TFDP1: variants seen among roughly 807,000 people sequenced by gnomAD.
The protein encoded by TFDP1 is DRTF1-polypeptide 1.
TFDP1 carries 6 observed loss-of-function variants against 48.0 expected under a neutral mutation model. The ratio of observed to expected loss-of-function variants is 0.13; its 90% CI spans 0.07 to 0.25. The LOEUF is 0.25. Ranked by LOEUF, TFDP1 falls within the 10% of genes least tolerant of loss-of-function variation. TFDP1 has a pLI of 1.00. For synonymous variants in TFDP1, 201 were observed against 211.6 expected (o/e 0.95, Z 0.44); for missense variants, 335 against 543.0 (o/e 0.62, Z 3.81).
At chr13:113,602,606 C>T (rs1299860174) in intron 2 of TFDP1, among the ~76,000 whole-genome samples, 1 of 152,242 alleles carries the variant, frequency 6.6e-6, no homozygotes, top group East Asian at 1.9e-4. Context: ...GGGTCACTTT[C>T]TTCTCAGCTC....
intron 3 of TFDP1, among the ~76,000 whole-genome samples, chr13:113,612,200 C>T (rs912664375): frequency 6.6e-6 from 1 of 152,168 alleles, no homozygotes; most frequent in Admixed American, 6.5e-5. Context: ...TGCCATCTGC[C>T]TCCAACCCCT....
At chr13:113,585,885 T>C (rs2047991132) in intron 2 of TFDP1, 36 bp downstream of exon 2, 2 of 1,593,910 alleles carry the variant, frequency 1.3e-6, no homozygotes, top group Admixed American at 3.3e-5. Context: ...CACGAATGTT[T>C]GCCTCGCACT....
At chr13:113,585,986 G>T (rs904512136) in intron 2 of TFDP1, 137 bp downstream of exon 2, 1 of 1,011,776 alleles carries the variant, frequency 9.9e-7, no homozygotes, top group Non-Finnish European at 1.5e-6. Flanking sequence ...CGTCTGAAGC[G>T]GGATGAAGGT....
In TFDP1 at chr13:113,598,324, A is replaced by G. The variant is rs2048333705; in HGVS notation, c.12+12475A>G. Among the ~76,000 whole-genome samples, 1 of 152,226 alleles carries G rather than the reference A, an allele frequency of 6.6e-6. No homozygotes were observed. Among genetic ancestry groups the G allele is most frequent in the African/African-American group, 2.4e-5 (1 of 41,454 alleles). ...TTTGCATTTGTGCCTGTTGTAGACT[A>G]GAGCATCATTTGGTGTTTTTCTGCT... On this transcript the variant is annotated intron_variant, in intron 2 of 11. Coordinates refer to ENST00000375370, the MANE Select transcript of TFDP1 (RefSeq NM_007111.5). The surrounding 1 kb of genome is among the most constrained non-coding windows in gnomAD (Gnocchi z 4.2).
intron 2 of TFDP1, among the ~76,000 whole-genome samples, chr13:113,594,101 T>C (rs547064711): frequency 1.4e-5 from 2 of 139,560 alleles, no homozygotes; most frequent in South Asian, 4.6e-4. Flanking sequence ...ACAGGTGTGG[T>C]GTACGTGGGT....
At chr13:113,602,117 A>G (rs918169023) in intron 2 of TFDP1, among the ~76,000 whole-genome samples, 2 of 151,038 alleles carry the variant, frequency 1.3e-5, no homozygotes, top group Non-Finnish European at 2.9e-5. Flanking sequence ...TCGAGGGAGG[A>G]GTGGACAGAG....
chr13:113,609,825 G>A (rs72668790), intron 2 of TFDP1, among the ~76,000 whole-genome samples: 5 of 152,126 alleles, frequency 3.3e-5, no homozygotes, highest in Admixed American at 6.5e-5. Context: ...CCTGAGGTGC[G>A]TGGCCTCCTG....
chr13:113,592,752 G>A (rs2048175993), intron 2 of TFDP1, among the ~76,000 whole-genome samples: 1 of 152,118 alleles, frequency 6.6e-6, no homozygotes, highest in South Asian at 2.1e-4. Flanking sequence ...TGACAGGTGT[G>A]GCATATGCTG....
chr13:113,610,950 G>A, intron 2 of TFDP1, 46 bp from the exon 3 acceptor site: 1 of 1,583,300 alleles, frequency 6.3e-7, no homozygotes, highest in Non-Finnish European at 8.7e-7. Flanking sequence ...TAGTTTCGTA[G>A]CCCTTTTAGC....
rs1040415285 is a variant in TFDP1, at chr13:113,633,710, G to A, written c.475-180G>A. Among the ~76,000 whole-genome samples the A allele has an allele frequency of 6.6e-6, 1 of 152,084 alleles. No homozygotes were observed. Among genetic ancestry groups the A allele is most frequent in the Non-Finnish European group, 1.5e-5 (1 of 68,016 alleles). On this transcript the variant is annotated intron_variant, in intron 6 of 11. Coordinates refer to ENST00000375370, the MANE Select transcript of TFDP1 (RefSeq NM_007111.5). The surrounding 1 kb of genome is among the most constrained non-coding windows in gnomAD (Gnocchi z 4.5). The stretch of plus-strand genomic sequence containing the variant: ...GGCTCTCCTTCTGGAACACACTCAG[G>A]CTTCGCACAGCCCCGTCTTGCCCTG...
At chr13:113,621,405 C>T (rs555763176) in intron 3 of TFDP1, among the ~76,000 whole-genome samples, 1 of 152,084 alleles carries the variant, frequency 6.6e-6, no homozygotes, top group Non-Finnish European at 1.5e-5. Flanking sequence ...GGCAAGAGAC[C>T]GAGGACACGA....
intron 3 of TFDP1, among the ~76,000 whole-genome samples, chr13:113,622,671 A>C (rs957596185): frequency 1.3e-5 from 2 of 152,158 alleles, no homozygotes; most frequent in Admixed American, 1.3e-4. Context: ...CGCTTGCTTC[A>C]CCAGTGTTCT....
At chr13:113,597,654 A>G (rs2048318611) in intron 2 of TFDP1, among the ~76,000 whole-genome samples, 1 of 152,224 alleles carries the variant, frequency 6.6e-6, no homozygotes, top group Non-Finnish European at 1.5e-5. Flanking sequence ...CTGAACTTGG[A>G]TGGATTCAAA....
At chr13:113,625,397 A>T (rs1197513143) in intron 4 of TFDP1, among the ~76,000 whole-genome samples, 9 of 83,528 alleles carry the variant, frequency 1.1e-4, no homozygotes, top group Admixed American at 2.8e-4. Context: ...CAGGCGTCTC[A>T]CGTGTCCTCA....
At chr13:113,617,935 A>G (rs769724090) in intron 3 of TFDP1, among the ~76,000 whole-genome samples, 4 of 152,268 alleles carry the variant, frequency 2.6e-5, no homozygotes, top group Non-Finnish European at 4.4e-5. Flanking sequence ...TTAATGGATT[A>G]TAGCAACTGA....
At chr13:113,592,201 G>T (rs1390643910) in intron 2 of TFDP1, among the ~76,000 whole-genome samples, 9 of 152,220 alleles carry the variant, frequency 5.9e-5, no homozygotes, top group Non-Finnish European at 7.3e-5. Context: ...TGTTGCCCAG[G>T]CTGGAGTGCA....
chr13:113,628,484 G>C (rs2049249117), intron 4 of TFDP1, among the ~76,000 whole-genome samples: 1 of 152,232 alleles, frequency 6.6e-6, no homozygotes, highest in African/African-American at 2.4e-5. Flanking sequence ...CCATCCTCCA[G>C]AGAAGCCGCT....
intron 2 of TFDP1, among the ~76,000 whole-genome samples, chr13:113,609,394 CAGAA>C (rs1157474312): frequency 6.6e-6 from 1 of 152,194 alleles, no homozygotes; most frequent in Non-Finnish European, 1.5e-5. Flanking sequence ...CAGCTAGACT[CAGAA>C]AGTGCAGTTG....
rs1332504948 is a variant in TFDP1 at position 113,607,267 on chromosome 13, A to C, written c.13-3729A>C. 6.6e-6 allele frequency among the ~76,000 whole-genome samples: 1 copy of C among 152,228 alleles called. No individual in the cohort carries two copies. The highest frequency in any genetic ancestry group is 2.4e-5 in the African/African-American group (1 of 41,464). ...TGAGCCCAGAGCTTCTCCAGGAGAA[A>C]GCTGAGGAAAGGGGCCAGCCGTGAG... is the stretch of plus-strand genomic sequence containing the variant. On this transcript the variant is annotated intron_variant, in intron 2 of 11. Coordinates refer to ENST00000375370, the MANE Select transcript of TFDP1 (RefSeq NM_007111.5). This position sits in a 1 kb window ranked among gnomAD's most constrained non-coding sequence, Gnocchi z 5.2.
Sources: allele counts gnomAD v4.1 joint callset (sites outside exome capture counted in the v4.1 genomes callset), GRCh38; gene constraint gnomAD v4.1.1; non-coding constraint Gnocchi (gnomAD v3.1); transcripts MANE v1.5; gene names NCBI Gene and HGNC (gene_info 2026-07-23, HGNC 2026-07-21).